Variants in ETV1 observed in about 807,000 individuals in gnomAD.
ETV1 encodes ETS translocation variant 1.
Under a neutral mutation model 62.3 loss-of-function variants are expected in ETV1, and 27 were observed. That is an observed-to-expected ratio of 0.43 (90% CI 0.32 to 0.60). The LOEUF (loss-of-function observed/expected upper bound fraction) is 0.60, where lower values mean the gene tolerates loss of function less well. ETV1 is among the 20% of genes least tolerant of loss of function. The pLI is 0.06. For synonymous variants in ETV1, 222 were observed against 199.6 expected (o/e 1.11, Z -0.94); for missense variants, 605 against 605.8 (o/e 1.00, Z 0.01).
chr7:13,948,676 A>G (rs1450524625), intron 6 of ETV1, among the ~76,000 whole-genome samples: 3 of 152,198 alleles, frequency 2.0e-5, no homozygotes, highest in Non-Finnish European at 4.4e-5. Context: ...AACAGAAACC[A>G]TATGGCCCAC....
At chr7:13,974,543 A>G (rs1583863041) in intron 6 of ETV1, among the ~76,000 whole-genome samples, 1 of 152,240 alleles carries the variant, frequency 6.6e-6, no homozygotes, top group African/African-American at 2.4e-5. Flanking sequence ...ACCAACCAAA[A>G]GGCTGACTCA....
intron 6 of ETV1, among the ~76,000 whole-genome samples, chr7:13,941,669 G>C (rs1170977943): frequency 1.3e-5 from 2 of 151,996 alleles, no homozygotes; most frequent in Admixed American, 1.3e-4. Flanking sequence ...CCAAGAGTTG[G>C]AGACCAGCCT....
At chr7:13,916,448 G>A (rs576419092) in intron 9 of ETV1, among the ~76,000 whole-genome samples, 19 of 152,050 alleles carry the variant, frequency 1.2e-4, no homozygotes, top group Non-Finnish European at 2.5e-4. Flanking sequence ...GACCACCCTA[G>A]CCAACATGGT....
chr7:13,905,727 C>G (rs918376617), intron 12 of ETV1, among the ~76,000 whole-genome samples: 3 of 152,074 alleles, frequency 2.0e-5, no homozygotes, highest in South Asian at 2.1e-4. Context: ...TGTCCAGGCT[C>G]TTCTTATTTT....
chr7:13,900,607 A>G (rs1782311835), intron 13 of ETV1, 131 bp downstream of exon 13: 3 of 635,294 alleles, frequency 4.7e-6, no homozygotes, highest in Non-Finnish European at 8.0e-6. Context: ...TACCAAAACC[A>G]AGAGCTAAGC....
At chr7:13,932,221 A>C (rs1293076410) in intron 8 of ETV1, among the ~76,000 whole-genome samples, 2 of 152,184 alleles carry the variant, frequency 1.3e-5, no homozygotes, top group Non-Finnish European at 2.9e-5. Flanking sequence ...TAAACAAAAA[A>C]CCAACCAACC....
At chr7:13,985,744 T>C (rs3801107) in intron 5 of ETV1, among the ~76,000 whole-genome samples, 79,624 of 152,048 alleles carry the variant, frequency 0.52, 21,076 homozygotes, top group Admixed American at 0.61. Context: ...ATAAAATTAA[T>C]GTTTCACATT....
chr7:13,896,477 G>C (rs531054032), intron 13 of ETV1, among the ~76,000 whole-genome samples: 2 of 152,114 alleles, frequency 1.3e-5, no homozygotes, highest in South Asian at 4.2e-4. Flanking sequence ...CTACAAATCT[G>C]TACTTTTAAG....
At chr7:13,928,224 T>C (rs1022735546) in intron 9 of ETV1, among the ~76,000 whole-genome samples, 2 of 152,212 alleles carry the variant, frequency 1.3e-5, no homozygotes, top group African/African-American at 4.8e-5. Flanking sequence ...TCACATCTTC[T>C]TAAGAAAAGT....
At chr7:13,985,023 C>A (rs1180217899) in intron 5 of ETV1, among the ~76,000 whole-genome samples, 1 of 151,904 alleles carries the variant, frequency 6.6e-6, no homozygotes, top group Admixed American at 6.6e-5. Flanking sequence ...TATGCACATT[C>A]AAAATCTGCC....
chr7:13,963,531 CAA>C (rs11303542), intron 6 of ETV1, among the ~76,000 whole-genome samples: 5 of 105,106 alleles, frequency 4.8e-5, no homozygotes, highest in African/African-American at 8.7e-5. Context: ...CCAATCTTGG[CAA>C]AAAAAAAAAA....
rs1335904697 is a variant in ETV1, at chr7:13,895,259, A to T, written c.*607T>A. The T allele has an allele frequency of 4.3e-6, 1 of 233,660 alleles. No homozygotes were observed. Among genetic ancestry groups the T allele is most frequent in the Non-Finnish European group, 8.5e-6 (1 of 118,114 alleles). The allele number at this position is 233,660 out of a possible 1,614,324, so 14.5% of individuals were successfully genotyped here. ...AGAGAGAATTACCCATTTTATGGTT[A>T]TCCTCTGCAAGTCATATATAAAGCA... On this transcript the variant is annotated 3_prime_UTR_variant, in exon 14 of 14. Coordinates refer to ENST00000430479, the MANE Select transcript of ETV1 (RefSeq NM_004956.5).
chr7:13,910,480 A>T (rs1051787832), intron 10 of ETV1: 1 of 504,976 alleles, frequency 2.0e-6, no homozygotes, highest in African/African-American at 2.1e-5. Context: ...AAAACTTTTA[A>T]TTTCAAATAT....
intron 11 of ETV1, among the ~76,000 whole-genome samples, chr7:13,908,710 A>C (rs1207384791): frequency 6.6e-6 from 1 of 152,140 alleles, no homozygotes; most frequent in Non-Finnish European, 1.5e-5. Context: ...AACATGGGGT[A>C]GTCTCCAAGC....
intron 9 of ETV1, among the ~76,000 whole-genome samples, chr7:13,914,023 A>AGTAG (rs1783862053): frequency 6.6e-6 from 1 of 151,602 alleles, no homozygotes; most frequent in Non-Finnish European, 1.5e-5. Context: ...AGCTGGGACT[A>AGTAG]CAGGCTCCCG....
chr7:13,949,078 A>G (rs1455112122), intron 6 of ETV1, among the ~76,000 whole-genome samples: 2 of 152,224 alleles, frequency 1.3e-5, no homozygotes, highest in Non-Finnish European at 2.9e-5. Context: ...CCTGTCTAAA[A>G]AATATAACTG....
chr7:13,938,673 A>G (rs1312417314), intron 7 of ETV1, among the ~76,000 whole-genome samples: 1 of 152,222 alleles, frequency 6.6e-6, no homozygotes, highest in Admixed American at 6.5e-5. Flanking sequence ...GCCTTATGAA[A>G]TTCCAGTTTT....
intron 8 of ETV1, among the ~76,000 whole-genome samples, chr7:13,932,808 C>T (rs1261905067): frequency 6.6e-6 from 1 of 152,084 alleles, no homozygotes; most frequent in Non-Finnish European, 1.5e-5. Context: ...TAAAAGCATT[C>T]CTGAGACTTT....
intron 6 of ETV1, among the ~76,000 whole-genome samples, chr7:13,965,597 C>T (rs116276234): frequency 0.011 from 1,599 of 152,200 alleles, 38 homozygotes; most frequent in African/African-American, 0.037. Flanking sequence ...CATGCCTTAG[C>T]TATTTGATTA....
Sources: gnomAD v4.1 joint callset for allele counts (sites outside exome capture counted in the v4.1 genomes callset) on GRCh38, gnomAD v4.1.1 for gene constraint, MANE v1.5 for transcripts, NCBI Gene and HGNC (gene_info 2026-07-23, HGNC 2026-07-21) for gene names.